The following OTULIN variants were observed in gnomAD, a reference collection of about 807,000 sequenced individuals.
OTULIN encodes ubiquitin thioesterase otulin.
OTULIN carries 15 observed loss-of-function variants against 39.6 expected under a neutral mutation model. The observed-to-expected ratio is 0.38, with a 90% CI of 0.25 to 0.58. The LOEUF (loss-of-function observed/expected upper bound fraction) is 0.58, where lower values mean the gene tolerates loss of function less well. OTULIN is among the 20% of genes least tolerant of loss of function. The probability of loss-of-function intolerance (pLI) is 0.66; values close to 1 mark genes in which losing one functional copy is unlikely to be tolerated. For missense variants in OTULIN, 319 were observed against 445.9 expected (o/e 0.72, Z 2.56); for synonymous variants, 156 against 170.3 (o/e 0.92, Z 0.65).
rs1266114876 is a variant in OTULIN at position 14,695,285 on chromosome 5, A to C, written c.*2237A>C. 1 of 152,180 alleles carries C rather than the reference A, an allele frequency of 6.6e-6. No individual in the cohort carries two copies. The highest frequency in any genetic ancestry group is 2.4e-5 in the African/African-American group (1 of 41,456). The allele number at this position is 152,180 out of a possible 1,614,324, so 9.4% of individuals were successfully genotyped here. A position where few individuals can be genotyped will look rare whatever the true frequency, so the allele number is the denominator to read the frequency against. On this transcript the variant is annotated 3_prime_UTR_variant, in exon 7 of 7. Coordinates refer to ENST00000284274, the MANE Select transcript of OTULIN (RefSeq NM_138348.6). ...TAAAAATAATTTTTTTTTAATTGCA[A>C]TATGCAGCTTCAGTTGCCCAGAATC... is the stretch of plus-strand genomic sequence containing the variant.
chr5:14,711,391 G>A, the OTULIN span: 1,228 of 1,200,610 alleles, frequency 1.0e-3, 10 homozygotes, highest in African/African-American at 0.016. Context: ...AGACAACACC[G>A]GGGTCTTGGG....
In OTULIN at chr5:14,681,382, A is replaced by G. The variant is rs544028294; in HGVS notation, c.325-82A>G. 27 of 1,503,872 alleles carry G rather than the reference A, an allele frequency of 1.8e-5. No homozygotes were observed. In the South Asian group the frequency reaches 3.5e-4, roughly 19 times the overall value. 93.2% of individuals were successfully genotyped at this position (1,503,872 alleles called of 1,614,324 possible). A position where few individuals can be genotyped will look rare whatever the true frequency, so the allele number is the denominator to read the frequency against. ...GCATCCTCCCAGTGATCCCAGGCCAAGCTTTTTCCACAGGAATGAAACTTT... is the reference window on the plus strand; with the variant it reads ...GCATCCTCCCAGTGATCCCAGGCCAGGCTTTTTCCACAGGAATGAAACTTT... On this transcript the variant is annotated intron_variant, in intron 3 of 6. Transcript: ENST00000284274.
At chr5:14,685,743 C>T (rs557968697) in intron 4 of OTULIN, among the ~76,000 whole-genome samples, 12 of 152,272 alleles carry the variant, frequency 7.9e-5, no homozygotes, top group Admixed American at 3.9e-4. Context: ...TATCATGTCC[C>T]CAGATGCTCA....
chr5:14,667,237 G>A (rs1358016685), intron 1 of OTULIN, among the ~76,000 whole-genome samples: 2 of 152,196 alleles, frequency 1.3e-5, no homozygotes, highest in African/African-American at 2.4e-5. Flanking sequence ...TGAAGGCTGT[G>A]GTGACGAGTA....
intron 4 of OTULIN, among the ~76,000 whole-genome samples, chr5:14,685,711 G>T (rs2126322776): frequency 6.6e-6 from 1 of 152,268 alleles, no homozygotes; most frequent in African/African-American, 2.4e-5. Context: ...GTTGAGTACT[G>T]TACCTACTTT....
In OTULIN at chr5:14,690,979, C is replaced by G. The variant is rs1736511065; in HGVS notation, c.864+671C>G. On this transcript the variant is annotated intron_variant, in intron 6 of 6. Coordinates refer to ENST00000284274, the MANE Select transcript of OTULIN (RefSeq NM_138348.6). This position sits in a 1 kb window ranked among gnomAD's most constrained non-coding sequence, Gnocchi z 4.5. ...TGTTTAATCTTGGCAACTGTAGCTG[C>G]ATTAAAAAGAGAAATGGAGTCACCT... Among the ~76,000 whole-genome samples, 1 of 152,162 alleles carries G rather than the reference C, an allele frequency of 6.6e-6. No homozygotes were observed.
At chr5:14,714,096 G>A in the OTULIN span, among the ~76,000 whole-genome samples, 133 of 152,378 alleles carry the variant, frequency 8.7e-4, 3 homozygotes, top group East Asian at 0.018. Context: ...TTCCCTGCCT[G>A]CGGTCAGAGG....
chr5:14,670,311 C>T (rs1735948669), intron 1 of OTULIN, among the ~76,000 whole-genome samples: 1 of 152,218 alleles, frequency 6.6e-6, no homozygotes, highest in East Asian at 1.9e-4. Flanking sequence ...GTAAACTTAA[C>T]CTCTACCTGT....
chr5:14,712,192 AG>A, the OTULIN span, among the ~76,000 whole-genome samples: 1 of 152,222 alleles, frequency 6.6e-6, no homozygotes, highest in Admixed American at 6.5e-5. Flanking sequence ...CGCAGGGGAC[AG>A]CCAGTGTCCT....
At chr5:14,681,893 GTTTAT>G (rs959048282) in intron 4 of OTULIN, among the ~76,000 whole-genome samples, 2 of 152,232 alleles carry the variant, frequency 1.3e-5, no homozygotes, top group African/African-American at 4.8e-5. Flanking sequence ...CAATTTTGGT[GTTTAT>G]TTTAAGTAGG....
At chr5:14,692,795 GTTAAGCCACGTT>G (rs1403595957) in intron 6 of OTULIN, 47 bp from the exon 7 acceptor site, 1 of 1,516,350 alleles carries the variant, frequency 6.6e-7, no homozygotes, top group African/African-American at 1.4e-5. Flanking sequence ...GGAACATGGT[GTTAAGCCACGTT>G]TTTCAGTGTG....
At chr5:14,676,351 C>G (rs756062800) in intron 2 of OTULIN, among the ~76,000 whole-genome samples, 1 of 152,210 alleles carries the variant, frequency 6.6e-6, no homozygotes, top group Non-Finnish European at 1.5e-5. Flanking sequence ...ATAAGCTGCT[C>G]GAGGTCAGGT....
chr5:14,687,320 C>T (rs1367257610), intron 4 of OTULIN, among the ~76,000 whole-genome samples: 1 of 152,164 alleles, frequency 6.6e-6, no homozygotes, highest in East Asian at 1.9e-4. Context: ...ACTCCAGCAG[C>T]CCTCCTCAGG....
the OTULIN span, chr5:14,710,616 C>T: frequency 5.6e-5 from 9 of 160,506 alleles, no homozygotes; most frequent in South Asian, 5.3e-4. Context: ...TCAGTGTGAA[C>T]GGGGACTCCG....
At chr5:14,674,217 C>G (rs1736044954) in intron 2 of OTULIN, 1 of 153,384 alleles carries the variant, frequency 6.5e-6, no homozygotes, top group Non-Finnish European at 1.5e-5. Context: ...TGATCTTACC[C>G]CAACCAGGAC....
intron 5 of OTULIN, 126 bp downstream of exon 5, chr5:14,687,772 G>A: frequency 8.3e-7 from 1 of 1,204,686 alleles, no homozygotes; most frequent in African/African-American, 1.5e-5. Context: ...TAGGCAAAAT[G>A]GTTTTAAATG....
In OTULIN at chr5:14,664,884, C is replaced by T; in HGVS notation, c.59C>T (p.Thr20Met). 9 of 1,190,514 alleles carry T rather than the reference C, an allele frequency of 7.6e-6. No homozygotes were observed. The highest frequency in any genetic ancestry group is 6.7e-4 in the Middle Eastern group (2 of 2,982). The allele number at this position is 1,190,514 out of a possible 1,614,324, so 73.7% of individuals were successfully genotyped here. A position where few individuals can be genotyped will look rare whatever the true frequency, so the allele number is the denominator to read the frequency against. Residue 20 changes from threonine to methionine, a missense_variant, in exon 1 of 7, where the codon ACG becomes ATG. By Grantham distance (81) the Thr-to-Met change is moderately conservative. This residue lies in a region of OTULIN where 132 missense variants were observed against 143.7 expected (regional missense o/e 0.92). Transcript: ENST00000284274. ...EAWPGASCAETPAREAAATAR... is the reference protein window; with the variant it reads ...EAWPGASCAEMPAREAAATAR... ...TGGCCAGGCGCGAGCTGCGCCGAGA[C>T]GCCGGCGCGGGAGGCGGCGGCCACG...
At chr5:14,675,652 C>T (rs375199000) in intron 2 of OTULIN, among the ~76,000 whole-genome samples, 1 of 152,160 alleles carries the variant, frequency 6.6e-6, no homozygotes, top group African/African-American at 2.4e-5. Context: ...GGCATTGTAC[C>T]CCACACGGGC....
At chr5:14,685,950 G>A (rs1254470478) in intron 4 of OTULIN, among the ~76,000 whole-genome samples, 1 of 152,192 alleles carries the variant, frequency 6.6e-6, no homozygotes. Flanking sequence ...TTGCCGAAAC[G>A]CAGGGCAGTG....
Sources: allele counts gnomAD v4.1 joint callset (sites outside exome capture counted in the v4.1 genomes callset), GRCh38; gene constraint gnomAD v4.1.1; regional missense constraint gnomAD v4.1.1; non-coding constraint Gnocchi (gnomAD v3.1); transcripts MANE v1.5; gene names NCBI Gene and HGNC (gene_info 2026-07-23, HGNC 2026-07-21).